PTPRF: variants seen among roughly 807,000 people sequenced by gnomAD.
PTPRF encodes protein tyrosine phosphatase receptor type F.
In PTPRF, 59 loss-of-function variants were observed where a neutral mutation model predicts 201.8. That is an observed-to-expected ratio of 0.29 (90% confidence interval 0.24 to 0.36). The LOEUF (loss-of-function observed/expected upper bound fraction) is 0.36. PTPRF is among the 10% of genes least tolerant of loss of function. The pLI is 1.00. For missense variants in PTPRF, 2,132 were observed against 2,690.5 expected, an observed-to-expected ratio of 0.79 and a Z score of 4.59; for synonymous variants, 1,088 against 1,089.7, an observed-to-expected ratio of 1.00 and a Z score of 0.03.
At position 43,620,465 on chromosome 1, in the gene PTPRF, C is replaced by A. The variant is rs1450905649; in HGVS notation, c.5250C>A (p.His1750Gln). The change falls in exon 31 of 34, where the codon CAC becomes CAA. Residue 1750 changes from histidine (H) to glutamine (Q), a missense_variant. Physicochemically the swap from His to Gln is conservative, Grantham distance 24 (BLOSUM62 0). Around this residue, in one of 6 missense-constraint regions of PTPRF, gnomAD observed 519 missense variants for 659.5 expected, o/e 0.79. Transcript: ENST00000359947. Reference protein sequence around the residue: ...KLREMGREKCHQYWPAERSAR... With the variant: ...KLREMGREKCQQYWPAERSAR... ...CCCTCTGTCCACAGGAGAAATGCCA[C>A]CAGTACTGGCCAGCAGAGCGCTCTG... The A allele has an allele frequency of 2.5e-6, 4 of 1,612,248 alleles. No individual in the cohort carries two copies. In the East Asian group the frequency reaches 8.9e-5, roughly 36 times the overall value.
intron 25 of PTPRF, 84 bp downstream of exon 25, chr1:43,617,995 T>G: frequency 7.1e-7 from 1 of 1,410,562 alleles, no homozygotes; most frequent in Non-Finnish European, 9.6e-7. Flanking sequence ...TGTGCCGCTT[T>G]CTTCTGTGGA....
At chr1:43,584,539 C>T (rs1648619550) in intron 7 of PTPRF, among the ~76,000 whole-genome samples, 1 of 152,086 alleles carries the variant, frequency 6.6e-6, no homozygotes, top group African/African-American at 2.4e-5. Context: ...GGTCCCTCGT[C>T]CCCTCCCTTC....
rs1653895575 is a variant in PTPRF at position 43,602,092 on chromosome 1, G to A, written c.2335G>A (p.Asp779Asn). 2.5e-6 allele frequency: 4 copies of A among 1,613,442 alleles called. No homozygotes were observed. Among genetic ancestry groups the A allele is most frequent in the Non-Finnish European group, 3.4e-6 (4 of 1,179,462 alleles). ...TCAGTGGCGGCCAGAGGAGTCCGAG[G>A]ACTATGTAAGTAACAGGTGTGCGAA... ...EAQWRPEESE[D>N]YETTISGLTP... The change falls in exon 14 of 34, where the codon GAC becomes AAC. Residue 779 changes from aspartate (D) to asparagine (N), a missense_variant. This residue lies in a region of PTPRF where 818 missense variants were observed against 915.3 expected (regional missense o/e 0.89). Coordinates refer to ENST00000359947, the MANE Select transcript of PTPRF (RefSeq NM_002840.5).
chr1:43,538,550 G>A (rs955509239), intron 2 of PTPRF, among the ~76,000 whole-genome samples: 2 of 152,130 alleles, frequency 1.3e-5, no homozygotes, highest in Non-Finnish European at 2.9e-5. Context: ...ATGAAGGAGG[G>A]GAGGTGTCAA....
chr1:43,609,010 G>C (rs1655818420), intron 21 of PTPRF, among the ~76,000 whole-genome samples: 2 of 152,148 alleles, frequency 1.3e-5, no homozygotes, highest in South Asian at 4.1e-4. Context: ...TGTATTTTAT[G>C]TGTCATTTGC....
At chr1:43,597,326 C>G (rs1330258612) in intron 11 of PTPRF, among the ~76,000 whole-genome samples, 1 of 151,820 alleles carries the variant, frequency 6.6e-6, no homozygotes, top group Admixed American at 6.6e-5. Context: ...GTGTGAGACA[C>G]TATGTATATG....
At position 43,585,772 on chromosome 1, in the gene PTPRF, A is replaced by G. The variant is rs114750868; in HGVS notation, c.680-2959A>G. 3.5e-3 allele frequency among the ~76,000 whole-genome samples: 529 copies of G among 152,208 alleles called. 3 individuals are homozygous for G. Among genetic ancestry groups the G allele is most frequent in the African/African-American group, 0.012 (512 of 41,510 alleles). On this transcript the variant is annotated intron_variant, in intron 7 of 33. Coordinates refer to ENST00000359947, the MANE Select transcript of PTPRF (RefSeq NM_002840.5). ...ACAATTTGGGGGTAAAGTCCAGTCA[A>G]GTTTCTAGGTTGGTGCCCAAGGTTT...
intron 6 of PTPRF, among the ~76,000 whole-genome samples, chr1:43,572,789 A>G (rs1313807923): frequency 7.2e-5 from 11 of 152,050 alleles, no homozygotes. Flanking sequence ...TGCCCCCTTC[A>G]CAGCTGAGTT....
chr1:43,567,146 G>A (rs1380952789), intron 5 of PTPRF, among the ~76,000 whole-genome samples: 2 of 152,142 alleles, frequency 1.3e-5, no homozygotes, highest in African/African-American at 4.8e-5. Context: ...GTAGGAATGA[G>A]GTCTTGAAAG....
intron 3 of PTPRF, among the ~76,000 whole-genome samples, chr1:43,549,264 C>T (rs576513479): frequency 3.1e-4 from 47 of 152,310 alleles, no homozygotes; most frequent in African/African-American, 1.0e-3. Flanking sequence ...GGGTCAGGCA[C>T]GGGGCAGAGT....
In PTPRF at chr1:43,592,537, T is replaced by C; in HGVS notation, c.1749T>C (p.Ala583=). ...KPDTLYRFQL[A]ARSDMGVGVF... ...ACACACTCTACCGCTTCCAGCTGGCTGCACGCTCGGATATGGGGGTGGGCG... is the reference window on the plus strand; with the variant it reads ...ACACACTCTACCGCTTCCAGCTGGCCGCACGCTCGGATATGGGGGTGGGCG... The change falls in exon 11 of 34, where the codon GCT becomes GCC. Residue 583 remains alanine (A), a synonymous_variant. Transcript: ENST00000359947. 2 of 1,612,300 alleles carry C rather than the reference T, an allele frequency of 1.2e-6. No individual in the cohort carries two copies. Among genetic ancestry groups the C allele is most frequent in the Non-Finnish European group, 1.7e-6 (2 of 1,179,506 alleles).
At chr1:43,523,418 C>T (rs797015511), upstream of PTPRF, among the ~76,000 whole-genome samples, 1 of 152,148 alleles carries the variant, frequency 6.6e-6, no homozygotes, top group African/African-American at 2.4e-5. Context: ...AAGGCATGGG[C>T]GTCGAGGGAC....
rs1659064304 is a variant in PTPRF at position 43,620,920 on chromosome 1, T to C, written c.5447T>C (p.Ile1816Thr). 6.2e-7 allele frequency: 1 copy of C among 1,614,204 alleles called. No individual in the cohort carries two copies. The highest frequency in any genetic ancestry group is 2.2e-5 in the East Asian group (1 of 44,884). ...GTGCCCAAGACAGGCGAGGGATTCA[T>C]TGACTTCATCGGGCAGGTGCATAAG... Reference protein sequence around the residue: ...QGVPKTGEGFIDFIGQVHKTK... With the variant: ...QGVPKTGEGFTDFIGQVHKTK... The change falls in exon 32 of 34, where the codon ATT becomes ACT. Residue 1816 changes from isoleucine to threonine, a missense_variant. Physicochemically the swap from Ile to Thr is moderately conservative, Grantham distance 89. This residue lies in a region of PTPRF where 519 missense variants were observed against 659.5 expected (regional missense o/e 0.79). Transcript: ENST00000359947.
At chr1:43,620,036 A>G (rs201975144) in intron 29 of PTPRF, 59 bp from the exon 30 acceptor site, 27 of 1,608,176 alleles carry the variant, frequency 1.7e-5, no homozygotes, top group Admixed American at 5.0e-5. Context: ...TAGGCAGCCT[A>G]AGGGGAGACT....
chr1:43,606,037 G>A (rs1244321371), intron 19 of PTPRF, among the ~76,000 whole-genome samples: 1 of 152,196 alleles, frequency 6.6e-6, no homozygotes, highest in East Asian at 1.9e-4. Flanking sequence ...CTTACACACA[G>A]GGCTGCTTCT....
chr1:43,544,430 C>T (rs1302915269), intron 2 of PTPRF, among the ~76,000 whole-genome samples: 1 of 152,192 alleles, frequency 6.6e-6, no homozygotes. Context: ...CTGGAAGCCT[C>T]TGATACCTGG....
chr1:43,572,878 A>G (rs1241391539), intron 6 of PTPRF, among the ~76,000 whole-genome samples: 2 of 152,040 alleles, frequency 1.3e-5, no homozygotes, highest in Non-Finnish European at 2.9e-5. Flanking sequence ...CTAGTATCAC[A>G]ATAGCAAACC....
intron 5 of PTPRF, among the ~76,000 whole-genome samples, chr1:43,563,606 T>C (rs971371665): frequency 7.2e-5 from 11 of 151,906 alleles, no homozygotes; most frequent in African/African-American, 2.7e-4. Context: ...GAGAAAAAAG[T>C]GTGCGAAGGA....
upstream of PTPRF, among the ~76,000 whole-genome samples, chr1:43,527,506 C>T (rs1388565895): frequency 6.6e-6 from 1 of 152,246 alleles, no homozygotes; most frequent in Non-Finnish European, 1.5e-5. Flanking sequence ...TGCTTACAGG[C>T]ATTCTCTTGC....
Sources: allele counts gnomAD v4.1 joint callset (sites outside exome capture counted in the v4.1 genomes callset), GRCh38; gene constraint gnomAD v4.1.1; regional missense constraint gnomAD v4.1.1; transcripts MANE v1.5; gene names NCBI Gene and HGNC (gene_info 2026-07-23, HGNC 2026-07-21).